Variants in YTHDC2 observed in about 807,000 individuals in gnomAD.
The protein encoded by YTHDC2 is YTH N6-methyladenosine RNA binding protein C2, also known as 3'-5' RNA helicase YTHDC2.
Under a neutral mutation model 174.9 loss-of-function variants are expected in YTHDC2, and 45 were observed. The observed-to-expected ratio is 0.26, with a 90% CI of 0.20 to 0.33. The LOEUF (loss-of-function observed/expected upper bound fraction) is 0.33, where lower values mean the gene tolerates loss of function less well. YTHDC2 is among the 10% of genes least tolerant of loss of function. YTHDC2 has a pLI of 1.00. For missense variants in YTHDC2, 1,650 were observed against 1,723.7 expected (o/e 0.96, Z 0.76); for synonymous variants, 657 against 574.5 (o/e 1.14, Z -2.05).
At chr5:113,577,413 A>AG (rs1778124398) in intron 23 of YTHDC2, among the ~76,000 whole-genome samples, 1 of 152,100 alleles carries the variant, frequency 6.6e-6, no homozygotes, top group Non-Finnish European at 1.5e-5. Context: ...TCTGTCCCTC[A>AG]GGCTGAAGTA....
chr5:113,535,228 T>C (rs1774972990), intron 6 of YTHDC2, among the ~76,000 whole-genome samples: 1 of 152,212 alleles, frequency 6.6e-6, no homozygotes, highest in Non-Finnish European at 1.5e-5. Context: ...CTTGTTGTTA[T>C]TCCCTAAAGA....
chr5:113,549,072 T>C (rs533850423), intron 12 of YTHDC2, 52 bp downstream of exon 12: 597 of 1,466,070 alleles, frequency 4.1e-4, no homozygotes, highest in Non-Finnish European at 5.2e-4. Flanking sequence ...AAAAAAGAGC[T>C]TCACCATATA....
intron 26 of YTHDC2, among the ~76,000 whole-genome samples, chr5:113,586,848 T>C (rs1384845868): frequency 1.4e-5 from 2 of 140,878 alleles, no homozygotes; most frequent in African/African-American, 5.3e-5. Flanking sequence ...TTCAGTTTCA[T>C]TAATATCTCT....
rs1242607572 is a variant in YTHDC2 at position 113,548,973 on chromosome 5, T to C, written c.1641T>C (p.Ala547=). Reference sequence around the variant, plus strand: ...TTGGCAGGATGGCATTGGATTGGGCTAAACACTTTGGGCAGACTGAAATTG... The same window carrying C: ...TTGGCAGGATGGCATTGGATTGGGCCAAACACTTTGGGCAGACTGAAATTG... ...ASNGWMALDW[A]KHFGQTEIVD... is the part of the protein sequence containing the mutation. Residue 547 remains alanine, a synonymous_variant, in exon 12 of 30, where the codon GCT becomes GCC. Coordinates refer to ENST00000161863, the MANE Select transcript of YTHDC2 (RefSeq NM_022828.5). 6.2e-7 allele frequency: 1 copy of C among 1,613,070 alleles called. No individual in the cohort carries two copies. The highest frequency in any genetic ancestry group is 8.5e-7 in the Non-Finnish European group (1 of 1,179,500).
At chr5:113,542,092 A>G (rs1775520881) in intron 9 of YTHDC2, among the ~76,000 whole-genome samples, 2 of 152,192 alleles carry the variant, frequency 1.3e-5, no homozygotes, top group Non-Finnish European at 2.9e-5. Context: ...CTGTATGTGC[A>G]TTTAACAACA....
At chr5:113,540,595 A>G (rs1439569664) in intron 8 of YTHDC2, among the ~76,000 whole-genome samples, 1 of 152,188 alleles carries the variant, frequency 6.6e-6, no homozygotes, top group Non-Finnish European at 1.5e-5. Context: ...GGGAAATACC[A>G]GATGCTTATA....
chr5:113,519,554 G>GT (rs1297768641), intron 2 of YTHDC2, among the ~76,000 whole-genome samples: 1 of 152,184 alleles, frequency 6.6e-6, no homozygotes, highest in African/African-American at 2.4e-5. Flanking sequence ...CCAAGTACAA[G>GT]TTTCTTCTGT....
At chr5:113,588,123 C>G (rs1191662265) in intron 26 of YTHDC2, among the ~76,000 whole-genome samples, 4 of 151,964 alleles carry the variant, frequency 2.6e-5, no homozygotes, top group Non-Finnish European at 4.4e-5. Context: ...TTTATTAATT[C>G]TATTAGCTTT....
intron 19 of YTHDC2, 66 bp downstream of exon 19, chr5:113,563,558 A>G: frequency 6.8e-7 from 1 of 1,477,408 alleles, no homozygotes; most frequent in Non-Finnish European, 9.1e-7. Flanking sequence ...AAAAGGAAAT[A>G]TGTCTTAACT....
At chr5:113,552,305 A>T (rs1440311567) in intron 12 of YTHDC2, among the ~76,000 whole-genome samples, 1 of 152,108 alleles carries the variant, frequency 6.6e-6, no homozygotes, top group Non-Finnish European at 1.5e-5. Context: ...CACAAAAAGA[A>T]ACTTGTACCC....
intron 12 of YTHDC2, 120 bp downstream of exon 12, chr5:113,549,140 T>G: frequency 1.2e-6 from 1 of 841,546 alleles, no homozygotes; most frequent in Non-Finnish European, 1.8e-6. Flanking sequence ...GATTTTTTTT[T>G]GTGATTCTAA....
intron 2 of YTHDC2, among the ~76,000 whole-genome samples, chr5:113,522,134 G>GTTTTTTTTT (rs371407386): frequency 1.9e-5 from 2 of 106,344 alleles, no homozygotes; most frequent in Non-Finnish European, 2.2e-5. Context: ...TGTTTTTTTT[G>GTTTTTTTTT]TTTTTTGTTT....
chr5:113,544,726 C>G (rs1343330116), intron 10 of YTHDC2, among the ~76,000 whole-genome samples: 1 of 151,128 alleles, frequency 6.6e-6, no homozygotes, highest in Non-Finnish European at 1.5e-5. Flanking sequence ...GTACCTATTA[C>G]TTCAACTGTT....
intron 28 of YTHDC2, 58 bp from the exon 29 acceptor site, chr5:113,593,245 C>T (rs1779098853): frequency 2.3e-6 from 3 of 1,315,088 alleles, no homozygotes; most frequent in African/African-American, 1.5e-5. Flanking sequence ...AGGTTTTGGT[C>T]ATTAAAAATT....
At chr5:113,534,030 A>G (rs770331677) in intron 5 of YTHDC2, among the ~76,000 whole-genome samples, 1 of 152,196 alleles carries the variant, frequency 6.6e-6, no homozygotes, top group Non-Finnish European at 1.5e-5. Context: ...CATTTGTAAC[A>G]TACTTTAGCT....
intron 10 of YTHDC2, among the ~76,000 whole-genome samples, chr5:113,543,537 G>C (rs1043412986): frequency 6.6e-6 from 1 of 152,092 alleles, no homozygotes; most frequent in Non-Finnish European, 1.5e-5. Context: ...GCAGTAGCCC[G>C]TTAACCATTT....
At chr5:113,527,739 A>G (rs888145502) in intron 4 of YTHDC2, among the ~76,000 whole-genome samples, 1 of 144,402 alleles carries the variant, frequency 6.9e-6, no homozygotes, top group Admixed American at 7.5e-5. Context: ...AATTAAAAAC[A>G]TGATGAAATT....
intron 17 of YTHDC2, among the ~76,000 whole-genome samples, chr5:113,559,520 G>C (rs151122590): frequency 1.3e-5 from 2 of 152,172 alleles, no homozygotes; most frequent in Non-Finnish European, 2.9e-5. Context: ...CATAGCACCA[G>C]ACTGTCCATG....
At chr5:113,590,012 C>T (rs903974972) in intron 26 of YTHDC2, among the ~76,000 whole-genome samples, 1 of 152,118 alleles carries the variant, frequency 6.6e-6, no homozygotes, top group East Asian at 1.9e-4. Flanking sequence ...GAAACGGGTT[C>T]AGATTTGTAA....
Sources: allele counts gnomAD v4.1 joint callset (sites outside exome capture counted in the v4.1 genomes callset), GRCh38; gene constraint gnomAD v4.1.1; transcripts MANE v1.5; gene names NCBI Gene and HGNC (gene_info 2026-07-23, HGNC 2026-07-21).